The following LAMA1 variants were observed in gnomAD, a reference collection of about 807,000 sequenced individuals.
The protein encoded by LAMA1 is laminin subunit alpha-1.
Under a neutral mutation model 348.7 loss-of-function variants are expected in LAMA1, and 219 were observed. The ratio of observed to expected loss-of-function variants is 0.63; its 90% confidence interval spans 0.56 to 0.70. The LOEUF (loss-of-function observed/expected upper bound fraction) is 0.70, where lower values mean the gene tolerates loss of function less well. Among genes scored for constraint, LAMA1 ranks in the 30% least tolerant of loss-of-function variants. The pLI, the probability that LAMA1 is intolerant of heterozygous loss-of-function variation, is 0.00. For missense variants in LAMA1, 3,744 were observed against 3,888.0 expected (o/e 0.96, Z 0.99); for synonymous variants, 1,487 against 1,491.0 (o/e 1.00, Z 0.06).
intron 35 of LAMA1, among the ~76,000 whole-genome samples, chr18:6,993,141 C>T (rs1319019932): frequency 6.6e-6 from 1 of 152,134 alleles, no homozygotes; most frequent in African/African-American, 2.4e-5. Context: ...CCTATAAAGT[C>T]TGATTTTTAT....
At chr18:7,091,886 G>A (rs1027048298) in intron 1 of LAMA1, among the ~76,000 whole-genome samples, 10 of 152,172 alleles carry the variant, frequency 6.6e-5, no homozygotes, top group Non-Finnish European at 1.3e-4. Flanking sequence ...GATGTCAAAT[G>A]CATCACCATC....
chr18:7,089,341 T>G (rs1977607), intron 1 of LAMA1, among the ~76,000 whole-genome samples: 69,661 of 146,068 alleles, frequency 0.48, 16,189 homozygotes, highest in East Asian at 0.62. Context: ...ATCGTGCCAC[T>G]GCACTCCAGC....
At chr18:6,980,194 C>T (rs2057704490) in intron 42 of LAMA1, among the ~76,000 whole-genome samples, 2 of 152,210 alleles carry the variant, frequency 1.3e-5, no homozygotes, top group Non-Finnish European at 2.9e-5. Context: ...ATTCCAGCTT[C>T]TTTACTTGCT....
In LAMA1 at chr18:7,016,576, C is replaced by T; in HGVS notation, c.2904G>A (p.Gln968=). ...SVSDGCTDEG[Q]CHCVPGVAGK... Reference sequence around the variant, plus strand: ...CTGCCACACCTGGGACACAGTGACACTGGCCTTCATCCGTGCAGCCATCTG... The same window carrying T: ...CTGCCACACCTGGGACACAGTGACATTGGCCTTCATCCGTGCAGCCATCTG... Residue 968 remains glutamine (Q), a synonymous_variant, in exon 21 of 63, where the codon CAG becomes CAA. Transcript: ENST00000389658. 6.2e-7 allele frequency: 1 copy of T among 1,614,218 alleles called. No homozygotes were observed. Among genetic ancestry groups the T allele is most frequent in the Non-Finnish European group, 8.5e-7 (1 of 1,180,040 alleles).
intron 33 of LAMA1, 28 bp from the exon 34 acceptor site, chr18:6,995,474 A>G: frequency 8.5e-7 from 1 of 1,176,078 alleles, no homozygotes; most frequent in Non-Finnish European, 1.3e-6. Context: ...AACAAATTAC[A>G]ATGCTTCGAA....
Position 6,999,440 on chromosome 18 carries a change from C to T in LAMA1, c.4663+5G>A. On this transcript the variant is annotated splice_donor_5th_base_variant and intron_variant, in intron 32 of 62. Transcript: ENST00000389658. The stretch of plus-strand genomic sequence containing the variant: ...TCTTTACACATTTAGAGGAGAAATA[C>T]TCACAAACACAATCTGTTTCCATCA... 1 of 1,614,176 alleles carries T rather than the reference C, an allele frequency of 6.2e-7. No homozygotes were observed. The highest frequency in any genetic ancestry group is 8.5e-7 in the Non-Finnish European group (1 of 1,180,012).
chr18:7,073,944 C>T (rs966932039), intron 3 of LAMA1, among the ~76,000 whole-genome samples: 4 of 152,068 alleles, frequency 2.6e-5, no homozygotes, highest in African/African-American at 9.7e-5. Context: ...AAGCTATTCC[C>T]CTGCCTCAGC....
In LAMA1 at chr18:6,944,046, G is replaced by A. The variant is rs972368455; in HGVS notation, c.8845-644C>T. ...TTTTTTTTCTTTGAGATGGAGCTTC[G>A]CTCCTGTTGTCCAGGCTGGAGTGCA... On this transcript the variant is annotated intron_variant, in intron 61 of 62. Transcript: ENST00000389658. Among the ~76,000 whole-genome samples, 3 of 151,774 alleles carry A rather than the reference G, an allele frequency of 2.0e-5. No individual in the cohort carries two copies. The South Asian group carries it at 6.2e-4, about 32-fold the overall frequency.
intron 33 of LAMA1, among the ~76,000 whole-genome samples, chr18:6,997,209 A>G (rs1600381453): frequency 6.6e-6 from 1 of 152,030 alleles, no homozygotes; most frequent in South Asian, 2.1e-4. Context: ...GACTACAGGC[A>G]CGCGCCACCA....
At chr18:7,036,141 A>G in intron 12 of LAMA1, 53 bp from the exon 13 acceptor site, 2 of 1,297,082 alleles carry the variant, frequency 1.5e-6, no homozygotes, top group African/African-American at 1.5e-5. Flanking sequence ...TCACAGCAAC[A>G]ATCAAGTAAG....
rs559977808 is a variant in LAMA1, at chr18:7,088,575, C to T, written c.62-8118G>A. Among the ~76,000 whole-genome samples the T allele has an allele frequency of 1.4e-4, 21 of 152,044 alleles. No individual in the cohort carries two copies. The East Asian group carries it at 3.7e-3, about 27-fold the overall frequency. On this transcript the variant is annotated intron_variant, in intron 1 of 62. Transcript: ENST00000389658. ...TTCTGTTGCTCAGGCTGGAGTGCAG[C>T]GGTGCAATCACAGCTCACTGCCACC...
At position 7,080,070 on chromosome 18, in the gene LAMA1, G is replaced by A. The variant is rs777806168; in HGVS notation, c.250C>T (p.His84Tyr). The A allele has an allele frequency of 8.7e-6, 14 of 1,611,764 alleles. No individual in the cohort carries two copies. Among genetic ancestry groups the A allele is most frequent in the African/African-American group, 1.3e-5 (1 of 74,900 alleles). The stretch of plus-strand genomic sequence containing the variant: ...CAGTTATTGGTGCCATCTATGGCAT[G>A]TGATATTGGATGGCGTTCTGTTGAA... The part of the protein sequence containing the change: ...ANPRERHPIS[H>Y]AIDGTNNWWQ... Residue 84 changes from histidine to tyrosine, a missense_variant, in exon 3 of 63, where the codon CAT becomes TAT. Transcript: ENST00000389658.
intron 55 of LAMA1, 64 bp downstream of exon 55, chr18:6,958,413 A>AGT: frequency 6.6e-7 from 1 of 1,523,624 alleles, no homozygotes; most frequent in South Asian, 1.1e-5. Flanking sequence ...ATTTCAGATT[A>AGT]GTGTTAGCAC....
intron 1 of LAMA1, among the ~76,000 whole-genome samples, chr18:7,107,275 C>T (rs1037670399): frequency 8.6e-5 from 13 of 151,988 alleles, no homozygotes; most frequent in African/African-American, 2.9e-4. Flanking sequence ...CCCGCCACCA[C>T]GCCCGGCTAA....
At chr18:6,999,771 G>T in intron 31 of LAMA1, 133 bp from the exon 32 acceptor site, 2 of 1,151,050 alleles carry the variant, frequency 1.7e-6, no homozygotes, top group Non-Finnish European at 2.6e-6. Flanking sequence ...TTCTGGAACA[G>T]TAATGAGGTC....
intron 16 of LAMA1, among the ~76,000 whole-genome samples, chr18:7,030,710 T>C (rs2057964887): frequency 6.6e-6 from 1 of 152,212 alleles, no homozygotes; most frequent in South Asian, 2.1e-4. Context: ...AGTTGCTATT[T>C]AGCATTATCA....
At chr18:6,958,941 T>C (rs2057594066) in intron 54 of LAMA1, among the ~76,000 whole-genome samples, 1 of 152,114 alleles carries the variant, frequency 6.6e-6, no homozygotes, top group African/African-American at 2.4e-5. Context: ...CCTCTTTACC[T>C]ATGATGAAAA....
chr18:7,094,003 C>T (rs1488846175), intron 1 of LAMA1, among the ~76,000 whole-genome samples: 1 of 151,766 alleles, frequency 6.6e-6, no homozygotes, highest in African/African-American at 2.4e-5. Flanking sequence ...TCTCAATCTC[C>T]TAAGCTCAGG....
intron 13 of LAMA1, 47 bp from the exon 14 acceptor site, chr18:7,034,737 GATAAA>G (rs772370835): frequency 1.2e-5 from 19 of 1,539,086 alleles, no homozygotes; most frequent in South Asian, 3.5e-5. Flanking sequence ...TCAATTTAAT[GATAAA>G]ATAAAAATAA....
Sources: gnomAD v4.1 joint callset for allele counts (sites outside exome capture counted in the v4.1 genomes callset) on GRCh38, gnomAD v4.1.1 for gene constraint, MANE v1.5 for transcripts, NCBI Gene and HGNC (gene_info 2026-07-23, HGNC 2026-07-21) for gene names.